The following ENPP6 variants were observed in gnomAD, a reference collection of about 807,000 sequenced individuals.
The protein encoded by ENPP6 is glycerophosphocholine cholinephosphodiesterase ENPP6.
A neutral mutation model predicts 42.0 loss-of-function variants in ENPP6; 32 were observed. The ratio of observed to expected loss-of-function variants is 0.76; its 90% CI spans 0.58 to 1.02. ENPP6 has a LOEUF of 1.02. Among genes scored for constraint, ENPP6 ranks in the 50% least tolerant of loss-of-function variants. The pLI, the probability that ENPP6 is intolerant of heterozygous loss-of-function variation, is 0.00. For missense variants in ENPP6, 552 were observed against 566.8 expected (o/e 0.97, Z 0.27); for synonymous variants, 213 against 216.0 (o/e 0.99, Z 0.12).
chr4:184,191,132 C>T (rs1732707978), intron 1 of ENPP6, among the ~76,000 whole-genome samples: 1 of 152,158 alleles, frequency 6.6e-6, no homozygotes, highest in Non-Finnish European at 1.5e-5. Flanking sequence ...AGGATGGCGG[C>T]CCTGAGAGCT....
intron 5 of ENPP6, among the ~76,000 whole-genome samples, chr4:184,116,216 C>T (rs1370566201): frequency 6.6e-6 from 1 of 151,602 alleles, no homozygotes; most frequent in Admixed American, 6.6e-5. Context: ...GAGCGAGACT[C>T]CGTCTCAAAA....
chr4:184,108,969 G>C (rs765249827), intron 6 of ENPP6, among the ~76,000 whole-genome samples: 6 of 152,334 alleles, frequency 3.9e-5, no homozygotes, highest in Non-Finnish European at 7.3e-5. Context: ...CCAGCACTTT[G>C]GGAGGCCAAG....
At chr4:184,171,633 G>A (rs1737462813) in intron 1 of ENPP6, among the ~76,000 whole-genome samples, 1 of 152,208 alleles carries the variant, frequency 6.6e-6, no homozygotes, top group Non-Finnish European at 1.5e-5. Flanking sequence ...ATTTGTCACA[G>A]CTTTGTCTAA....
chr4:184,199,615 C>T (rs1453512948), intron 1 of ENPP6, among the ~76,000 whole-genome samples: 2 of 152,174 alleles, frequency 1.3e-5, no homozygotes, highest in Non-Finnish European at 2.9e-5. Context: ...GCCACTTAGG[C>T]AAATTCTGTG....
chr4:184,120,505 C>T (rs1472742442), intron 3 of ENPP6, among the ~76,000 whole-genome samples: 2 of 152,170 alleles, frequency 1.3e-5, no homozygotes, highest in South Asian at 2.1e-4. Flanking sequence ...GTTGTCCGGC[C>T]CACTGTGACC....
chr4:184,109,237 A>AG (rs1736159224), intron 6 of ENPP6, among the ~76,000 whole-genome samples: 1 of 111,354 alleles, frequency 9.0e-6, no homozygotes, highest in Non-Finnish European at 2.0e-5. Context: ...CAACAACAAA[A>AG]AAAAACAAAA....
rs1177268528 is a variant in ENPP6 at position 184,124,190 on chromosome 4, A to G, written c.504T>C (p.Asn168=). The G allele has an allele frequency of 5.0e-6, 8 of 1,613,928 alleles. No homozygotes were observed. The highest frequency in any genetic ancestry group is 6.8e-6 in the Non-Finnish European group (8 of 1,179,942). The stretch of plus-strand genomic sequence containing the variant: ...AGGAGTCAAGAGCATCGCTGACTGC[A>G]TTGGCAAAATTGATATCCGTTGGGA... ...KNVPTDINFA[N]AVSDALDSFK... The change falls in exon 3 of 8, where the codon AAT becomes AAC. Residue 168 remains asparagine, a synonymous_variant. Coordinates refer to ENST00000296741, the MANE Select transcript of ENPP6 (RefSeq NM_153343.4).
intron 1 of ENPP6, among the ~76,000 whole-genome samples, chr4:184,193,963 C>T (rs748527850): frequency 5.3e-5 from 8 of 152,178 alleles, no homozygotes; most frequent in East Asian, 1.9e-4. Flanking sequence ...TCCTTGATTG[C>T]TTTGGCCTTG....
chr4:184,132,310 C>T (rs1286227968), intron 2 of ENPP6, among the ~76,000 whole-genome samples: 4 of 151,834 alleles, frequency 2.6e-5, no homozygotes, highest in African/African-American at 9.7e-5. Context: ...TTTTTGCTAC[C>T]AAGGCTGAGT....
At chr4:184,095,666 A>C (rs910018780) in intron 7 of ENPP6, among the ~76,000 whole-genome samples, 1 of 132,160 alleles carries the variant, frequency 7.6e-6, no homozygotes, top group African/African-American at 4.1e-5. Flanking sequence ...AAAAAAAAAA[A>C]TATATCTATA....
At chr4:184,212,187 G>A (rs1323374832) in intron 1 of ENPP6, among the ~76,000 whole-genome samples, 1 of 151,878 alleles carries the variant, frequency 6.6e-6, no homozygotes, top group Admixed American at 6.6e-5. Context: ...ACAAGACAGG[G>A]ATGCCCTCTC....
intron 4 of ENPP6, among the ~76,000 whole-genome samples, chr4:184,117,283 G>T (rs943587290): frequency 6.6e-6 from 1 of 152,210 alleles, no homozygotes; most frequent in African/African-American, 2.4e-5. Context: ...TTTTAAGGTC[G>T]ACGCTCTGCA....
chr4:184,153,079 T>C (rs1414048873), intron 2 of ENPP6, among the ~76,000 whole-genome samples: 1 of 151,994 alleles, frequency 6.6e-6, no homozygotes, highest in Non-Finnish European at 1.5e-5. Flanking sequence ...TGTTAGAGAG[T>C]TAAAAACACA....
chr4:184,102,878 G>C (rs1736029953), intron 6 of ENPP6, among the ~76,000 whole-genome samples: 1 of 152,260 alleles, frequency 6.6e-6, no homozygotes, highest in African/African-American at 2.4e-5. Flanking sequence ...AGGAGTTGAG[G>C]AATCTCTTCT....
chr4:184,171,062 C>A (rs1433290045), intron 1 of ENPP6, among the ~76,000 whole-genome samples: 2 of 152,200 alleles, frequency 1.3e-5, no homozygotes, highest in Non-Finnish European at 2.9e-5. Context: ...CCTCAAGTGG[C>A]TTAAACAATA....
chr4:184,193,560 A>G (rs1223094624), intron 1 of ENPP6, among the ~76,000 whole-genome samples: 1 of 152,248 alleles, frequency 6.6e-6, no homozygotes, highest in African/African-American at 2.4e-5. Flanking sequence ...CAGTGGTTGC[A>G]CATCTCTGTA....
chr4:184,181,538 G>A (rs1397623860), intron 1 of ENPP6, among the ~76,000 whole-genome samples: 1 of 152,100 alleles, frequency 6.6e-6, no homozygotes, highest in African/African-American at 2.4e-5. Flanking sequence ...AACCAAAAAA[G>A]AGCCTGAATA....
intron 3 of ENPP6, among the ~76,000 whole-genome samples, chr4:184,122,929 G>A (rs1028104234): frequency 6.6e-6 from 1 of 152,140 alleles, no homozygotes; most frequent in Non-Finnish European, 1.5e-5. Context: ...TGCTTCACTC[G>A]CACAAAACTA....
chr4:184,117,083 G>T (rs200626319), intron 4 of ENPP6, 48 bp from the exon 5 acceptor site: 4 of 1,602,212 alleles, frequency 2.5e-6, no homozygotes, highest in Non-Finnish European at 3.4e-6. Context: ...AGAGAGGCTC[G>T]TGCACTCAGA....
Sources: gnomAD v4.1 joint callset for allele counts (sites outside exome capture counted in the v4.1 genomes callset) on GRCh38, gnomAD v4.1.1 for gene constraint, MANE v1.5 for transcripts, NCBI Gene and HGNC (gene_info 2026-07-23, HGNC 2026-07-21) for gene names.